The following PDXDC1 variants were observed in gnomAD, a reference collection of about 807,000 sequenced individuals.
PDXDC1 encodes the protein pyridoxal dependent decarboxylase domain containing 1.
In PDXDC1, 42 loss-of-function variants were observed where a neutral mutation model predicts 100.1. The ratio of observed to expected loss-of-function variants is 0.42; its 90% CI spans 0.33 to 0.54. PDXDC1 has a LOEUF of 0.54. Ranked by LOEUF, PDXDC1 falls within the 20% of genes least tolerant of loss-of-function variation. The pLI is 0.10. For synonymous variants in PDXDC1, 260 were observed against 371.7 expected, an observed-to-expected ratio of 0.70 and a Z score of 3.46; for missense variants, 636 against 979.2, an observed-to-expected ratio of 0.65 and a Z score of 4.68.
chr16:15,101,348 GCT>G (rs2046541882), intron 16 of PDXDC1, among the ~76,000 whole-genome samples: 1 of 152,154 alleles, frequency 6.6e-6, no homozygotes, highest in East Asian at 1.9e-4. Flanking sequence ...ACGGAGTCTC[GCT>G]CTTTCACCCA....
chr16:15,014,221 A>AG (rs1313231070), intron 8 of PDXDC1, among the ~76,000 whole-genome samples: 2 of 152,192 alleles, frequency 1.3e-5, no homozygotes, highest in Non-Finnish European at 2.9e-5. Flanking sequence ...AAAAAAAAAA[A>AG]AGACAAAATA....
chr16:14,986,362 A>C (rs1226190275), intron 1 of PDXDC1, among the ~76,000 whole-genome samples: 2 of 152,260 alleles, frequency 1.3e-5, no homozygotes, highest in East Asian at 3.9e-4. Context: ...CCAGCTACTC[A>C]GGAGGCTGAG....
the PDXDC1 span, among the ~76,000 whole-genome samples, chr16:15,149,953 G>A: frequency 6.6e-6 from 1 of 152,128 alleles, no homozygotes; most frequent in African/African-American, 2.4e-5. Context: ...CCATGGAGGT[G>A]GCACCCCCAA....
Position 15,036,115 on chromosome 16 carries a change from C to A in PDXDC1, c.2207C>A (p.Ser736Tyr). Residue 736 changes from serine to tyrosine, a missense_variant, in exon 23 of 23, where the codon TCC becomes TAC. Physicochemically the swap from Ser to Tyr is moderately radical, Grantham distance 144. Coordinates refer to ENST00000396410, the MANE Select transcript of PDXDC1 (RefSeq NM_015027.4). ...IEDLEKVERL[S>Y]SGPEQITLEA... ...GACTTAGAAAAGGTGGAGCGCCTAT[C>A]CAGTGGGCCGGAGCAGATCACCCTC... The A allele has an allele frequency of 6.2e-7, 1 of 1,614,168 alleles. No individual in the cohort carries two copies. The highest frequency in any genetic ancestry group is 1.3e-5 in the African/African-American group (1 of 75,038).
chr16:15,148,370 A>ATTTTTTTTTTTTTTTT, the PDXDC1 span, among the ~76,000 whole-genome samples: 7 of 34,118 alleles, frequency 2.1e-4, 2 homozygotes, highest in African/African-American at 4.7e-4. Flanking sequence ...AGATCCTGTG[A>ATTTTTTTTTTTTTTTT]TTTTTTTTTT....
At chr16:15,080,177 G>A in intron 16 of PDXDC1, 2 of 1,475,206 alleles carry the variant, frequency 1.4e-6, no homozygotes, top group Non-Finnish European at 1.8e-6. Context: ...TCAATTACAT[G>A]ACCTTTAGTT....
intron 6 of PDXDC1, 93 bp from the exon 7 acceptor site, chr16:15,008,686 T>G (rs1455558061): frequency 1.3e-5 from 15 of 1,164,218 alleles, no homozygotes; most frequent in Non-Finnish European, 1.9e-5. Context: ...CTTAGAAGAA[T>G]AATCGTGTCT....
chr16:15,092,065 C>A (rs1225937139), intron 16 of PDXDC1, among the ~76,000 whole-genome samples: 1 of 151,968 alleles, frequency 6.6e-6, no homozygotes, highest in African/African-American at 2.4e-5. Context: ...TGTAACCCCA[C>A]CTATTCGGAA....
intron 21 of PDXDC1, among the ~76,000 whole-genome samples, 190 bp from the exon 22 acceptor site, chr16:15,035,259 C>T (rs984702301): frequency 9.9e-5 from 15 of 152,188 alleles, no homozygotes; most frequent in African/African-American, 1.4e-4. Flanking sequence ...CGGATGCTGG[C>T]GGTACTGGCC....
chr16:15,093,616 T>TA (rs1472225836), intron 16 of PDXDC1, among the ~76,000 whole-genome samples: 8 of 152,184 alleles, frequency 5.3e-5, no homozygotes, highest in African/African-American at 1.9e-4. Flanking sequence ...TTACACGTAG[T>TA]AAATTAATGA....
At chr16:15,124,374 A>G (rs1167337262) in intron 16 of PDXDC1, among the ~76,000 whole-genome samples, 4 of 152,306 alleles carry the variant, frequency 2.6e-5, no homozygotes, top group African/African-American at 7.2e-5. Context: ...ACCATTTACT[A>G]TGACATAAGG....
At chr16:15,000,966 ATAT>A (rs1244700366) in intron 3 of PDXDC1, among the ~76,000 whole-genome samples, 2 of 149,846 alleles carry the variant, frequency 1.3e-5, no homozygotes, top group South Asian at 2.1e-4. Context: ...TTATAAGTAC[ATAT>A]TATAAGGCCT....
chr16:14,990,129 G>A (rs1193503144), intron 1 of PDXDC1: 9 of 1,457,794 alleles, frequency 6.2e-6, no homozygotes, highest in Middle Eastern at 2.4e-4. Flanking sequence ...CAGCAGTCCC[G>A]GCAGCCCCTT....
Position 15,032,946 on chromosome 16 carries a change from A to C in PDXDC1, c.1657A>C (p.Asn553His), listed in dbSNP as rs1021132134. 2.5e-6 allele frequency: 4 copies of C among 1,607,164 alleles called. No homozygotes were observed. The highest frequency in any genetic ancestry group is 1.7e-6 in the Non-Finnish European group (2 of 1,173,542). ...NIHAGLLKKL[N>H]ELESDLTFKI... ...CCATGCTGGACTCCTGAAGAAGTTA[A>C]ATGAACTGGAATCTGACCTAACCTT... Residue 553 changes from asparagine to histidine, a missense_variant, in exon 18 of 23, where the codon AAT becomes CAT. Asn to His is a moderately conservative substitution (Grantham distance 68, BLOSUM62 1). This residue lies in a region of PDXDC1 where 452 missense variants were observed against 402.9 expected (regional missense o/e 1.12). Coordinates refer to ENST00000396410, the MANE Select transcript of PDXDC1 (RefSeq NM_015027.4).
chr16:15,027,160 A>AT (rs2042671235), intron 14 of PDXDC1, among the ~76,000 whole-genome samples: 1 of 152,298 alleles, frequency 6.6e-6, no homozygotes, highest in Non-Finnish European at 1.5e-5. Flanking sequence ...ATTCCAGACC[A>AT]TTCTCCACCT....
In PDXDC1 at chr16:14,989,706, A is replaced by G. The variant is rs1342384900; in HGVS notation, c.22-8047A>G. 894 of 1,555,914 alleles carry G rather than the reference A, an allele frequency of 5.7e-4. No individual in the cohort carries two copies. In the African/African-American group the frequency reaches 0.011, roughly 19 times the overall value. On this transcript the variant is annotated intron_variant, in intron 1 of 22. Transcript: ENST00000396410. The stretch of plus-strand genomic sequence containing the variant: ...TGGGGACCCCAGCTGCAGGCAACGC[A>G]CGCGGCGCAGCAGCCCCTCCCGCAG...
chr16:15,097,306 A>G (rs2046391184), intron 16 of PDXDC1, among the ~76,000 whole-genome samples: 1 of 151,506 alleles, frequency 6.6e-6, no homozygotes, highest in South Asian at 2.1e-4. Flanking sequence ...TGATATGTAC[A>G]AAATAATATG....
At chr16:15,096,352 G>T (rs1421312829) in intron 16 of PDXDC1, among the ~76,000 whole-genome samples, 2 of 151,982 alleles carry the variant, frequency 1.3e-5, no homozygotes, top group Admixed American at 1.3e-4. Flanking sequence ...CAAGTGATCC[G>T]CCCGCCTTGG....
chr16:15,041,473 G>A, downstream of PDXDC1: 1 of 729,456 alleles, frequency 1.4e-6, no homozygotes, highest in Non-Finnish European at 2.5e-6. Context: ...CAAGGGGAAG[G>A]GGAAGGCCAT....
Sources: allele counts gnomAD v4.1 joint callset (sites outside exome capture counted in the v4.1 genomes callset), GRCh38; gene constraint gnomAD v4.1.1; regional missense constraint gnomAD v4.1.1; transcripts MANE v1.5; gene names NCBI Gene and HGNC (gene_info 2026-07-23, HGNC 2026-07-21).